UBAP1: variants seen among roughly 807,000 people sequenced by gnomAD.
UBAP1 encodes the protein ubiquitin associated protein 1, also known as ubiquitin-associated protein 1.
Under a neutral mutation model 39.0 loss-of-function variants are expected in UBAP1, and 5 were observed. That is an observed-to-expected ratio of 0.13 (90% confidence interval 0.07 to 0.27). UBAP1 has a LOEUF of 0.27. Ranked by LOEUF, UBAP1 falls within the 10% of genes least tolerant of loss-of-function variation. The pLI, the probability that UBAP1 is intolerant of heterozygous loss-of-function variation, is 1.00. For missense variants in UBAP1, 490 were observed against 608.1 expected (o/e 0.81, Z 2.04); for synonymous variants, 211 against 225.1 (o/e 0.94, Z 0.56).
chr9:34,200,607 T>C (rs920018064), intron 1 of UBAP1, among the ~76,000 whole-genome samples: 2 of 152,214 alleles, frequency 1.3e-5, no homozygotes, highest in Non-Finnish European at 2.9e-5. Flanking sequence ...GTATGATGTT[T>C]AACATACAGA....
chr9:34,183,332 A>G (rs1394872045), intron 1 of UBAP1, among the ~76,000 whole-genome samples: 1 of 151,662 alleles, frequency 6.6e-6, no homozygotes, highest in Non-Finnish European at 1.5e-5. Flanking sequence ...TCATGAGGTC[A>G]GGAGATTGAG....
chr9:34,242,133 A>T, intron 4 of UBAP1, 25 bp downstream of exon 4: 1 of 1,538,666 alleles, frequency 6.5e-7, no homozygotes, highest in Non-Finnish European at 8.8e-7. Flanking sequence ...TCCCCCGCCG[A>T]CTCCCATATT....
At chr9:34,216,069 A>G (rs1477263471) in intron 1 of UBAP1, among the ~76,000 whole-genome samples, 2 of 152,056 alleles carry the variant, frequency 1.3e-5, no homozygotes, top group African/African-American at 4.8e-5. Flanking sequence ...GTGGTCTTCT[A>G]TCTAGTTGTT....
In UBAP1 at chr9:34,203,038, C is replaced by T. The variant is rs565739828; in HGVS notation, c.-7-17870C>T. On this transcript the variant is annotated intron_variant, in intron 1 of 6. Coordinates refer to ENST00000297661, the MANE Select transcript of UBAP1 (RefSeq NM_016525.5). ...GTCTGTAGGTTCTCTTTTCATCTTG[C>T]TTTTTTTGTGTTGAAGGAAACTGAA... Among the ~76,000 whole-genome samples, 9 of 152,074 alleles carry T rather than the reference C, an allele frequency of 5.9e-5. No individual in the cohort carries two copies. In the East Asian group the frequency reaches 9.7e-4, roughly 16 times the overall value.
chr9:34,229,353 G>A (rs966880465), intron 2 of UBAP1, among the ~76,000 whole-genome samples: 2 of 151,912 alleles, frequency 1.3e-5, no homozygotes, highest in African/African-American at 4.8e-5. Flanking sequence ...TGCATCCCAG[G>A]TTCAAGCGAT....
intron 1 of UBAP1, among the ~76,000 whole-genome samples, chr9:34,202,768 T>G (rs986117166): frequency 3.3e-5 from 5 of 151,918 alleles, no homozygotes; most frequent in African/African-American, 9.7e-5. Flanking sequence ...GCCCAGTTAT[T>G]TTAGAGCAAA....
chr9:34,201,730 A>G lies in UBAP1; in HGVS notation c.-7-19178A>G, dbSNP rs186414449. On this transcript the variant is annotated intron_variant, in intron 1 of 6. Transcript: ENST00000297661. ...CACCAGTTGGGTGTTCTCCAGTTCA[A>G]TGCCGACACTGTCTACCTGGAGATA... Among the ~76,000 whole-genome samples, 534 of 152,216 alleles carry G rather than the reference A, an allele frequency of 3.5e-3. 6 individuals carry two copies. Among genetic ancestry groups the G allele is most frequent in the African/African-American group, 0.012 (511 of 41,530 alleles).
At chr9:34,190,404 C>T (rs1198100970) in intron 1 of UBAP1, among the ~76,000 whole-genome samples, 1 of 152,026 alleles carries the variant, frequency 6.6e-6, no homozygotes, top group Non-Finnish European at 1.5e-5. Context: ...ATTCTCCTGC[C>T]TCAGCCTCCT....
At chr9:34,192,798 G>A (rs1272923862) in intron 1 of UBAP1, among the ~76,000 whole-genome samples, 2 of 151,836 alleles carry the variant, frequency 1.3e-5, no homozygotes, top group Non-Finnish European at 2.9e-5. Flanking sequence ...TTAACTTTTA[G>A]CCCCTGCAAA....
chr9:34,227,539 G>A (rs13289989), intron 2 of UBAP1, among the ~76,000 whole-genome samples: 6,243 of 152,156 alleles, frequency 0.041, 170 homozygotes, highest in Middle Eastern at 0.075. Flanking sequence ...TAGAAAAAAC[G>A]GGCAGATTGC....
intron 1 of UBAP1, among the ~76,000 whole-genome samples, chr9:34,218,297 C>T (rs1380244616): frequency 9.3e-6 from 1 of 107,612 alleles, no homozygotes; most frequent in Non-Finnish European, 1.9e-5. Flanking sequence ...AAAAAAAAGC[C>T]AAGCACATCC....
intron 2 of UBAP1, among the ~76,000 whole-genome samples, chr9:34,225,211 A>G (rs1832980463): frequency 6.6e-6 from 1 of 152,226 alleles, no homozygotes; most frequent in South Asian, 2.1e-4. Context: ...ACGGATATTA[A>G]AATGTATTTT....
At chr9:34,235,271 ATTG>A (rs1833629496) in intron 3 of UBAP1, among the ~76,000 whole-genome samples, 1 of 151,492 alleles carries the variant, frequency 6.6e-6, no homozygotes, top group Non-Finnish European at 1.5e-5. Context: ...TTAGAGAAAA[ATTG>A]TTTTTTACAT....
intron 1 of UBAP1, among the ~76,000 whole-genome samples, chr9:34,185,923 T>G (rs769811631): frequency 2.6e-5 from 4 of 152,318 alleles, no homozygotes; most frequent in Middle Eastern, 3.4e-3. Flanking sequence ...TATGCGTGCT[T>G]TTTATGTATT....
intron 1 of UBAP1, among the ~76,000 whole-genome samples, chr9:34,202,060 C>T (rs889373057): frequency 2.6e-5 from 4 of 152,156 alleles, no homozygotes; most frequent in Admixed American, 6.5e-5. Context: ...CACGAACCTC[C>T]GTCCAGGTGT....
At chr9:34,216,128 G>A (rs1029942724) in intron 1 of UBAP1, among the ~76,000 whole-genome samples, 2 of 149,896 alleles carry the variant, frequency 1.3e-5, no homozygotes, top group Admixed American at 6.7e-5. Flanking sequence ...TTATTGACAC[G>A]CGTCTTTCTG....
Position 34,183,966 on chromosome 9 carries a change from C to G in UBAP1, c.-8+4726C>G, listed in dbSNP as rs575849588. ...TGTGTTTTTAGTAGAGACGGGGTTT[C>G]TCCATGTTGGTCAGGCTGGTCTCAA... On this transcript the variant is annotated intron_variant, in intron 1 of 6. Transcript: ENST00000297661. 1.1e-3 allele frequency among the ~76,000 whole-genome samples: 165 copies of G among 152,068 alleles called. 2 individuals carry two copies. The highest frequency in any genetic ancestry group is 3.9e-3 in the African/African-American group (160 of 41,504).
At chr9:34,195,551 A>G (rs1022616611) in intron 1 of UBAP1, among the ~76,000 whole-genome samples, 3 of 152,086 alleles carry the variant, frequency 2.0e-5, no homozygotes, top group Non-Finnish European at 2.9e-5. Flanking sequence ...GAAACCAGAA[A>G]AGAAAGTTTC....
chr9:34,226,282 T>G (rs1430974965), intron 2 of UBAP1, among the ~76,000 whole-genome samples: 1 of 148,182 alleles, frequency 6.7e-6, no homozygotes, highest in Non-Finnish European at 1.5e-5. Flanking sequence ...CATGCTGGAG[T>G]GCAGTGGTGC....
Sources: allele counts gnomAD v4.1 joint callset (sites outside exome capture counted in the v4.1 genomes callset), GRCh38; gene constraint gnomAD v4.1.1; transcripts MANE v1.5; gene names NCBI Gene and HGNC (gene_info 2026-07-23, HGNC 2026-07-21).